The following SPG11 variants were observed in gnomAD, a reference collection of about 807,000 sequenced individuals.
SPG11 encodes the protein SPG11 vesicle trafficking associated, spatacsin.
In SPG11, 222 loss-of-function variants were observed where a neutral mutation model predicts 274.0. That is an observed-to-expected ratio of 0.81 (90% CI 0.73 to 0.91). The LOEUF is 0.91. Among genes scored for constraint, SPG11 ranks in the 40% least tolerant of loss-of-function variants. The pLI is 0.00. For synonymous variants in SPG11, 1,144 were observed against 1,039.7 expected (o/e 1.10, Z -1.93); for missense variants, 3,114 against 2,872.7 (o/e 1.08, Z -1.92).
intron 6 of SPG11, 74 bp downstream of exon 6, chr15:44,651,417 G>C: frequency 7.5e-7 from 1 of 1,335,440 alleles, no homozygotes; most frequent in South Asian, 1.2e-5. Context: ...AGCAGGCACT[G>C]AGGCAGAAGT....
chr15:44,582,409 G>A (rs189377804), intron 30 of SPG11, among the ~76,000 whole-genome samples: 2 of 152,192 alleles, frequency 1.3e-5, no homozygotes, highest in African/African-American at 2.4e-5. Flanking sequence ...GTAGCCAAGC[G>A]TGGTGGTACA....
At chr15:44,627,931 G>C (rs2083950890) in intron 10 of SPG11, among the ~76,000 whole-genome samples, 1 of 152,118 alleles carries the variant, frequency 6.6e-6, no homozygotes, top group African/African-American at 2.4e-5. Context: ...AAGAGATACA[G>C]AAAATGCAGT....
At position 44,563,227 on chromosome 15, in the gene SPG11, T is replaced by TAA; in HGVS notation, c.7224_7225dup (p.Tyr2409PhefsTer17). The TAA allele has an allele frequency of 6.2e-7, 1 of 1,614,128 alleles. No homozygotes were observed. The highest frequency in any genetic ancestry group is 2.2e-5 in the East Asian group (1 of 44,882). On this transcript the variant is annotated frameshift_variant, in exon 40 of 40. Transcript: ENST00000261866. LOFTEE classifies it high-confidence loss of function. Reference sequence around the variant, plus strand: ...TTCGTATGCCAACTTGTAATACAGGTAAACATCTTCACAATATGTGAGTAA... The same window carrying TAA: ...TTCGTATGCCAACTTGTAATACAGGTAAAAACATCTTCACAATATGTGAGTAA...
intron 6 of SPG11, among the ~76,000 whole-genome samples, chr15:44,650,851 A>C (rs1364730505): frequency 6.6e-6 from 1 of 151,870 alleles, no homozygotes; most frequent in East Asian, 1.9e-4. Context: ...AGGTTCAAGC[A>C]ATTCTCCTGC....
At position 44,574,938 on chromosome 15, in the gene SPG11, G is replaced by A; in HGVS notation, c.5970C>T (p.Tyr1990=). 1 of 1,614,120 alleles carries A rather than the reference G, an allele frequency of 6.2e-7. No homozygotes were observed. The highest frequency in any genetic ancestry group is 1.1e-5 in the South Asian group (1 of 91,084). The part of the protein sequence containing the change: ...LTSKCLHGKN[Y]CRQVLCLYDL... ...CATACAGACAGAGGACCTGTCGACA[G>A]TAGTTCTTCCCATGGAGGCATTTGC... The change falls in exon 31 of 40, where the codon TAC becomes TAT. Residue 1990 remains tyrosine, a synonymous_variant. Transcript: ENST00000261866.
In SPG11 at chr15:44,663,583, A is replaced by C. The variant is rs779434840; in HGVS notation, c.65T>G (p.Met22Arg). The C allele has an allele frequency of 1.6e-5, 26 of 1,596,820 alleles. No homozygotes were observed. The South Asian group carries it at 2.8e-4, about 17-fold the overall frequency. Reference sequence around the variant, plus strand: ...CAACAGCATCGGTAGAACCCGCCCCATGGCCGCGGTGCCCCAGCTACCGCC... The same window carrying C: ...CAACAGCATCGGTAGAACCCGCCCCCTGGCCGCGGTGCCCCAGCTACCGCC... ...SAGGSWGTAA[M>R]GRVLPMLLVP... The change falls in exon 1 of 40, where the codon ATG (methionine) becomes AGG (arginine). Residue 22 changes from methionine (M) to arginine (R), a missense_variant. Met to Arg is a moderately conservative substitution (Grantham distance 91, BLOSUM62 -1). Transcript: ENST00000261866.
intron 7 of SPG11, among the ~76,000 whole-genome samples, chr15:44,640,503 C>T (rs1466665818): frequency 6.6e-6 from 1 of 151,996 alleles, no homozygotes; most frequent in Non-Finnish European, 1.5e-5. Flanking sequence ...TGAAACTTGA[C>T]AAGCTAATCC....
Position 44,589,264 on chromosome 15 carries a change from G to C in SPG11, c.4894C>G (p.Leu1632Val). ...AGGATTGTCTTACCATCAGAGAAGAGATGCTCTCTTTCAACAAAGAGCTGT... is the reference window on the plus strand; with the variant it reads ...AGGATTGTCTTACCATCAGAGAAGACATGCTCTCTTTCAACAAAGAGCTGT... Reference protein sequence around the residue: ...LLQLFVEREHLFSDGPDVKKL... With the variant: ...LLQLFVEREHVFSDGPDVKKL... The change falls in exon 28 of 40, where the codon CTC becomes GTC. Residue 1632 changes from leucine to valine, a missense_variant. Leu to Val is a conservative substitution (Grantham distance 32). Transcript: ENST00000261866. The C allele has an allele frequency of 6.2e-7, 1 of 1,613,950 alleles. No homozygotes were observed. Among genetic ancestry groups the C allele is most frequent in the Non-Finnish European group, 8.5e-7 (1 of 1,179,974 alleles).
intron 30 of SPG11, among the ~76,000 whole-genome samples, chr15:44,575,940 C>T (rs2140933136): frequency 6.6e-6 from 1 of 151,680 alleles, no homozygotes; most frequent in East Asian, 2.0e-4. Context: ...GTCAGGAGTT[C>T]GAGACCAGCC....
chr15:44,610,193 G>A (rs748707354), intron 18 of SPG11, among the ~76,000 whole-genome samples: 23 of 151,570 alleles, frequency 1.5e-4, no homozygotes, highest in African/African-American at 3.4e-4. Flanking sequence ...GTGAGCCACC[G>A]CACTCGGTCA....
At chr15:44,583,704 T>G (rs559080627) in intron 30 of SPG11, 110 bp downstream of exon 30, 2 of 1,449,662 alleles carry the variant, frequency 1.4e-6, no homozygotes, top group Non-Finnish European at 1.9e-6. Context: ...AAAAAAGTTG[T>G]TGTCCCCTTA....
intron 39 of SPG11, 87 bp from the exon 40 acceptor site, chr15:44,563,388 G>C: frequency 8.1e-7 from 1 of 1,231,456 alleles, no homozygotes; most frequent in South Asian, 1.2e-5. Flanking sequence ...GCCCAGGCTG[G>C]AGTGCAGAGG....
chr15:44,662,328 G>A (rs894408569), intron 1 of SPG11, among the ~76,000 whole-genome samples: 1 of 151,910 alleles, frequency 6.6e-6, no homozygotes, highest in African/African-American at 2.4e-5. Context: ...ACACCTTTTG[G>A]CTACTCATCT....
intron 20 of SPG11, 147 bp from the exon 21 acceptor site, chr15:44,600,779 T>C (rs550571482): frequency 2.3e-6 from 2 of 852,846 alleles, no homozygotes; most frequent in East Asian, 2.6e-5. Context: ...AAATCTGATT[T>C]ATTTTACTTC....
chr15:44,656,596 G>A (rs2084947600), intron 4 of SPG11, among the ~76,000 whole-genome samples: 1 of 152,202 alleles, frequency 6.6e-6, no homozygotes, highest in Non-Finnish European at 1.5e-5. Context: ...CAGAGACTGA[G>A]ATGTAAAAAG....
At chr15:44,563,444 T>G in intron 39 of SPG11, 143 bp from the exon 40 acceptor site, 1 of 702,744 alleles carries the variant, frequency 1.4e-6, no homozygotes, top group Non-Finnish European at 2.5e-6. Context: ...GTTCAAGTGA[T>G]TCTTGTGCCT....
intron 30 of SPG11, among the ~76,000 whole-genome samples, chr15:44,580,076 A>G (rs1443054672): frequency 6.6e-6 from 1 of 152,224 alleles, no homozygotes; most frequent in African/African-American, 2.4e-5. Flanking sequence ...TGTACCATTT[A>G]AAAAAATTTT....
Position 44,663,528 on chromosome 15 carries a change from C to G in SPG11, c.120G>C (p.Gln40His), listed in dbSNP as rs1489959239. Residue 40 changes from glutamine (Q) to histidine (H), a missense_variant, in exon 1 of 40, where the codon CAG (glutamine) becomes CAC (histidine). Coordinates refer to ENST00000261866, the MANE Select transcript of SPG11 (RefSeq NM_025137.4). ...LVPVPAEAMG[Q>H]LGSRAQLRTQ... ...TGCGCAGCTGCGCCCGGGAGCCGAG[C>G]TGCCCCATCGCCTCGGCGGGGACTG... 6.3e-7 allele frequency: 1 copy of G among 1,598,324 alleles called. No homozygotes were observed.
chr15:44,659,325 T>G, intron 2 of SPG11, 22 bp from the exon 3 acceptor site: 1 of 1,588,508 alleles, frequency 6.3e-7, no homozygotes, highest in Non-Finnish European at 8.6e-7. Context: ...AAGGATATTA[T>G]TTCAAACTCA....
Sources: gnomAD v4.1 joint callset for allele counts (sites outside exome capture counted in the v4.1 genomes callset) on GRCh38, gnomAD v4.1.1 for gene constraint, MANE v1.5 for transcripts, NCBI Gene and HGNC (gene_info 2026-07-23, HGNC 2026-07-21) for gene names.